DMD: variants seen among roughly 807,000 people sequenced by gnomAD.
DMD encodes mutant dystrophin.
DMD carries 63 observed loss-of-function variants against 330.1 expected under a neutral mutation model. The ratio of observed to expected loss-of-function variants is 0.19; its 90% confidence interval spans 0.16 to 0.24. The LOEUF (loss-of-function observed/expected upper bound fraction) is 0.24. Among genes scored for constraint, DMD ranks in the 10% least tolerant of loss-of-function variants. The pLI is 1.00. For missense variants in DMD, 3,344 were observed against 2,684.1 expected (o/e 1.25, Z -5.43); for synonymous variants, 1,223 against 959.8 (o/e 1.27, Z -5.07).
intron 62 of DMD, among the ~76,000 whole-genome samples, chrX:31,309,279 C>T (rs983402787): frequency 3.6e-5 from 4 of 111,710 alleles, no homozygotes; most frequent in African/African-American, 1.3e-4. Context: ...AGAAAGAAAA[C>T]TTGGGGTCTT....
At position 33,211,407 on chromosome X, in the gene DMD, A is replaced by G; in HGVS notation, c.-95T>C. 1 of 1,169,897 alleles carries G rather than the reference A, an allele frequency of 8.5e-7. No homozygotes were observed. Among genetic ancestry groups the G allele is most frequent in the Middle Eastern group, 2.4e-4 (1 of 4,178 alleles). On this transcript the variant is annotated 5_prime_UTR_variant, in exon 1 of 79. Coordinates refer to ENST00000357033, the MANE Select transcript of DMD (RefSeq NM_004006.3). ...GTAGGCTTAAAAACAATGAGAAACC[A>G]ACAAACTTCAGCAGCTTTAAAAAAA...
intron 2 of DMD, among the ~76,000 whole-genome samples, chrX:32,882,008 A>T (rs771241615): frequency 8.9e-6 from 1 of 112,146 alleles, no homozygotes; most frequent in Admixed American, 9.4e-5. Context: ...GTGCTTCTTC[A>T]TGCCTGCAGC....
chrX:32,653,380 A>G (rs2060310968), intron 9 of DMD, among the ~76,000 whole-genome samples: 1 of 112,047 alleles, frequency 8.9e-6, no homozygotes, highest in Admixed American at 9.5e-5. Context: ...ACATATGGCT[A>G]GCCAGTTTTC....
chrX:32,768,729 A>G (rs929574048), intron 7 of DMD, among the ~76,000 whole-genome samples: 6 of 112,123 alleles, frequency 5.4e-5, no homozygotes, highest in Non-Finnish European at 9.4e-5. Context: ...ACTTGAGGTA[A>G]TTAAGCTCCC....
intron 43 of DMD, among the ~76,000 whole-genome samples, chrX:32,249,204 A>G (rs957559641): frequency 8.9e-6 from 1 of 112,003 alleles, no homozygotes; most frequent in Non-Finnish European, 1.9e-5. Context: ...TGTGAACACA[A>G]CAGTAAAACA....
chrX:31,912,977 C>T (rs1228072707), intron 47 of DMD, among the ~76,000 whole-genome samples: 1 of 112,562 alleles, frequency 8.9e-6, no homozygotes, highest in East Asian at 2.8e-4. Flanking sequence ...AACCACCAAG[C>T]TGTGGGGAAG....
chrX:32,482,010 G>A (rs1430306058), intron 21 of DMD, among the ~76,000 whole-genome samples: 1 of 111,784 alleles, frequency 8.9e-6, no homozygotes, highest in South Asian at 3.7e-4. Context: ...CACTGGCTTT[G>A]TCATAACTAA....
At chrX:32,309,969 T>C (rs2097555625) in intron 42 of DMD, 113 bp downstream of exon 42, 2 of 670,881 alleles carry the variant, frequency 3.0e-6, no homozygotes, top group South Asian at 2.8e-5. Flanking sequence ...AAGAATTCCA[T>C]GTGAAAGTCA....
intron 16 of DMD, among the ~76,000 whole-genome samples, chrX:32,550,300 A>C (rs982722203): frequency 8.9e-6 from 1 of 112,270 alleles, no homozygotes; most frequent in East Asian, 2.8e-4. Flanking sequence ...CTTGGACCAC[A>C]GTGCAATAAA....
chrX:32,688,568 CTA>C (rs745848820), intron 9 of DMD, among the ~76,000 whole-genome samples: 37 of 111,828 alleles, frequency 3.3e-4, no homozygotes, highest in African/African-American at 1.1e-3. Flanking sequence ...CTCTAACACT[CTA>C]TGTGATAGTG....
chrX:32,066,388 A>T (rs953788165), intron 44 of DMD, among the ~76,000 whole-genome samples: 1 of 111,899 alleles, frequency 8.9e-6, no homozygotes, highest in African/African-American at 3.2e-5. Context: ...TATTTGCCCC[A>T]CATAGTGTTT....
chrX:31,297,478 T>C (rs1052346830), intron 62 of DMD, among the ~76,000 whole-genome samples: 1 of 111,828 alleles, frequency 8.9e-6, no homozygotes, highest in African/African-American at 3.2e-5. Flanking sequence ...AAGGGGATCA[T>C]TGCCACTGGA....
chrX:32,411,651 C>T, intron 30 of DMD, 101 bp downstream of exon 30: 2 of 984,481 alleles, frequency 2.0e-6, no homozygotes, highest in Admixed American at 2.4e-5. Context: ...AAAACAACCC[C>T]ATGGAAAACT....
chrX:31,640,082 G>A (rs1040516083), intron 54 of DMD, among the ~76,000 whole-genome samples: 3 of 111,686 alleles, frequency 2.7e-5, no homozygotes, highest in South Asian at 3.8e-4. Context: ...TGTGACTATC[G>A]GTGAACCGGA....
At chrX:31,207,947 C>T (rs1425813453) in intron 65 of DMD, among the ~76,000 whole-genome samples, 5 of 111,094 alleles carry the variant, frequency 4.5e-5, no homozygotes, top group African/African-American at 9.8e-5. Context: ...AACAAACCCC[C>T]GTGACGTGAG....
At position 33,048,680 on chromosome X, in the gene DMD, C is replaced by G. The variant is rs751255533; in HGVS notation, c.32-28480G>C. Among the ~76,000 whole-genome samples the G allele has an allele frequency of 1.0e-4, 7 of 70,087 alleles. No individual in the cohort carries two copies. In the East Asian group the frequency reaches 3.1e-3, roughly 31 times the overall value. The allele number at this position is 70,087 out of a possible 115,157, so 60.9% of individuals were successfully genotyped here. A position where few individuals can be genotyped will look rare whatever the true frequency, so the allele number is the denominator to read the frequency against. ...CTGCACTCCAGCCTGGCTGACAGAGCGAGACTCCCCATCTAAAAAAAAAAA... is the reference window on the plus strand; with the variant it reads ...CTGCACTCCAGCCTGGCTGACAGAGGGAGACTCCCCATCTAAAAAAAAAAA... On this transcript the variant is annotated intron_variant, in intron 1 of 78. Transcript: ENST00000357033.
intron 9 of DMD, among the ~76,000 whole-genome samples, chrX:32,649,551 G>A (rs961037006): frequency 1.2e-3 from 86 of 69,211 alleles, no homozygotes; most frequent in Non-Finnish European, 1.7e-3. Flanking sequence ...GCAAGACTCC[G>A]TCTCTTTTAA....
intron 18 of DMD, among the ~76,000 whole-genome samples, chrX:32,508,377 GA>G (rs1009574605): frequency 9.0e-6 from 1 of 111,366 alleles, no homozygotes; most frequent in Non-Finnish European, 1.9e-5. Context: ...GAAGAGCCCA[GA>G]AAACATTTCA....
intron 50 of DMD, among the ~76,000 whole-genome samples, chrX:31,805,333 T>C (rs1603473560): frequency 8.9e-6 from 1 of 112,194 alleles, no homozygotes; most frequent in East Asian, 2.8e-4. Context: ...CATTCTACCT[T>C]TGTACAAGTA....
Sources: allele counts gnomAD v4.1 joint callset (sites outside exome capture counted in the v4.1 genomes callset), GRCh38; gene constraint gnomAD v4.1.1; transcripts MANE v1.5; gene names NCBI Gene and HGNC (gene_info 2026-07-23, HGNC 2026-07-21).